YIPF1: variants seen among roughly 807,000 people sequenced by gnomAD.
The protein encoded by YIPF1 is Yip1 domain family member 1.
YIPF1 carries 22 observed loss-of-function variants against 37.0 expected under a neutral mutation model. That is an observed-to-expected ratio of 0.59 (90% confidence interval 0.42 to 0.85). The LOEUF (loss-of-function observed/expected upper bound fraction) is 0.85, where lower values mean the gene tolerates loss of function less well. Ranked by LOEUF, YIPF1 falls within the 40% of genes least tolerant of loss-of-function variation. The probability of loss-of-function intolerance (pLI) is 0.00; values close to 1 mark genes in which losing one functional copy is unlikely to be tolerated. For synonymous variants in YIPF1, 128 were observed against 131.9 expected, an observed-to-expected ratio of 0.97 and a Z score of 0.21; for missense variants, 355 against 373.1, an observed-to-expected ratio of 0.95 and a Z score of 0.40.
chr1:53,869,511 C>T (rs1166416569), intron 7 of YIPF1, among the ~76,000 whole-genome samples: 1 of 152,100 alleles, frequency 6.6e-6, no homozygotes, highest in African/African-American at 2.4e-5. Flanking sequence ...ATAGCTTGCC[C>T]AACAGAGTAG....
At chr1:53,866,077 G>T in intron 9 of YIPF1, 123 bp downstream of exon 9, 2 of 1,259,936 alleles carry the variant, frequency 1.6e-6, no homozygotes, top group Non-Finnish European at 2.2e-6. Context: ...TGGGATTATG[G>T]GTGTGAGCCA....
At chr1:53,858,366 G>A (rs773552204) in intron 10 of YIPF1, among the ~76,000 whole-genome samples, 4 of 152,068 alleles carry the variant, frequency 2.6e-5, no homozygotes, top group Non-Finnish European at 4.4e-5. Flanking sequence ...ATCCCCATTT[G>A]TTTTACAAAA....
chr1:53,889,017 G>A, intron 2 of YIPF1, 31 bp from the exon 3 acceptor site: 1 of 1,267,630 alleles, frequency 7.9e-7, no homozygotes, highest in Non-Finnish European at 1.1e-6. Flanking sequence ...AACATAATAG[G>A]ATGACAGTAT....
chr1:53,879,795 G>C (rs1053044191), intron 4 of YIPF1, among the ~76,000 whole-genome samples: 1 of 152,178 alleles, frequency 6.6e-6, no homozygotes, highest in Non-Finnish European at 1.5e-5. Flanking sequence ...GAGTGAAAGC[G>C]GTGAATGAAT....
chr1:53,876,224 T>G (rs1376615199), intron 6 of YIPF1, among the ~76,000 whole-genome samples: 2 of 152,214 alleles, frequency 1.3e-5, no homozygotes, highest in African/African-American at 4.8e-5. Context: ...TTCTTCTAAT[T>G]TGTGGGAGTT....
At chr1:53,886,626 A>G (rs1650660453) in intron 3 of YIPF1, 1 of 150,876 alleles carries the variant, frequency 6.6e-6, no homozygotes, top group Non-Finnish European at 1.5e-5. Flanking sequence ...CAGTTGATAA[A>G]GCCCTGGGTG....
chr1:53,862,330 A>G (rs1237251150), intron 9 of YIPF1, among the ~76,000 whole-genome samples: 1 of 152,132 alleles, frequency 6.6e-6, no homozygotes, highest in Non-Finnish European at 1.5e-5. Context: ...ACTTCCTGCA[A>G]TTTGGCACCT....
Position 53,889,263 on chromosome 1 carries a change from C to G in YIPF1, c.-69G>C, listed in dbSNP as rs553893257. On this transcript the variant is annotated 5_prime_UTR_variant, in exon 2 of 11. Transcript: ENST00000072644. ...ACTCACTGTGTGAATGTTTAGAGAG[C>G]AGGTGCAGCCTAGAGATGTAACGAT... The G allele has an allele frequency of 4.4e-5, 11 of 252,450 alleles. No individual in the cohort carries two copies. Among genetic ancestry groups the G allele is most frequent in the Non-Finnish European group, 7.8e-5 (10 of 127,536 alleles). 15.6% of individuals were successfully genotyped at this position (252,450 alleles called of 1,614,324 possible).
chr1:53,874,565 G>C (rs961134622), intron 6 of YIPF1, among the ~76,000 whole-genome samples: 20 of 151,998 alleles, frequency 1.3e-4, no homozygotes, highest in Non-Finnish European at 2.9e-4. Context: ...TTAGGAGTTT[G>C]AGACCAGCCT....
chr1:53,867,339 C>T lies in YIPF1; in HGVS notation c.482-415G>A, dbSNP rs1256590340. 4.0e-5 allele frequency among the ~76,000 whole-genome samples: 6 copies of T among 149,454 alleles called. No individual in the cohort carries two copies. The East Asian group carries it at 5.9e-4, about 15-fold the overall frequency. On this transcript the variant is annotated intron_variant, in intron 7 of 10. Transcript: ENST00000072644. ...CCTTGGAAGAACATGTTCTCTTCCT[C>T]GGTATAACAAGAGCTGACACTGACT...
chr1:53,869,872 C>CTTT (rs11304446), intron 7 of YIPF1, among the ~76,000 whole-genome samples: 1 of 125,862 alleles, frequency 7.9e-6, no homozygotes, highest in Non-Finnish European at 1.7e-5. Flanking sequence ...TTTCTCCCCG[C>CTTT]TTTTTTTTTT....
At chr1:53,880,940 A>G (rs1423504796) in intron 4 of YIPF1, among the ~76,000 whole-genome samples, 3 of 152,104 alleles carry the variant, frequency 2.0e-5, no homozygotes, top group African/African-American at 7.2e-5. Context: ...TAAATGTAAA[A>G]CACAAAACTA....
At chr1:53,856,455 C>T (rs576877190) in intron 10 of YIPF1, among the ~76,000 whole-genome samples, 6 of 152,306 alleles carry the variant, frequency 3.9e-5, no homozygotes, top group Admixed American at 3.9e-4. Context: ...CTACCTCTGT[C>T]CCTCTCCAGC....
intron 10 of YIPF1, among the ~76,000 whole-genome samples, chr1:53,858,451 A>G (rs1649781129): frequency 6.6e-6 from 1 of 152,198 alleles, no homozygotes. Flanking sequence ...GAGTGGCAGT[A>G]GCTTTGATTT....
chr1:53,876,485 C>T (rs149590001), intron 6 of YIPF1, among the ~76,000 whole-genome samples: 3 of 152,348 alleles, frequency 2.0e-5, no homozygotes, highest in African/African-American at 7.2e-5. Context: ...AAACACTTCA[C>T]CTATATTGTA....
chr1:53,857,297 T>C (rs1349688760), intron 10 of YIPF1, among the ~76,000 whole-genome samples: 3 of 152,162 alleles, frequency 2.0e-5, no homozygotes, highest in Non-Finnish European at 2.9e-5. Flanking sequence ...CCACAGAAAC[T>C]GTGAGAATGT....
chr1:53,855,976 G>A (rs1027829680), intron 10 of YIPF1, among the ~76,000 whole-genome samples: 2 of 152,188 alleles, frequency 1.3e-5, no homozygotes, highest in African/African-American at 4.8e-5. Flanking sequence ...GGGGAAGGTA[G>A]GTTACTGGTG....
intron 10 of YIPF1, among the ~76,000 whole-genome samples, chr1:53,856,998 A>C (rs1569595288): frequency 6.6e-6 from 1 of 152,186 alleles, no homozygotes; most frequent in African/African-American, 2.4e-5. Context: ...TCACTATCAG[A>C]CTCGATTGCC....
In YIPF1 at chr1:53,868,316, C is replaced by A. The variant is rs1366991112; in HGVS notation, c.482-1392G>T. ...CAATGTGGAATAATGGTCAAGGGCA[C>A]AGACTCTGTATACAGACTCCATGGG... On this transcript the variant is annotated intron_variant, in intron 7 of 10. Transcript: ENST00000072644. 2.0e-5 allele frequency among the ~76,000 whole-genome samples: 3 copies of A among 152,156 alleles called. No homozygotes were observed. The East Asian group carries it at 5.8e-4, about 29-fold the overall frequency.
Sources: gnomAD v4.1 joint callset for allele counts (sites outside exome capture counted in the v4.1 genomes callset) on GRCh38, gnomAD v4.1.1 for gene constraint, MANE v1.5 for transcripts, NCBI Gene and HGNC (gene_info 2026-07-23, HGNC 2026-07-21) for gene names.